Variants in CTNNA3 observed in about 807,000 individuals in gnomAD.
CTNNA3 encodes catenin alpha 3, also known as catenin alpha-3.
Under a neutral mutation model 95.7 loss-of-function variants are expected in CTNNA3, and 76 were observed. The observed-to-expected ratio is 0.79, with a 90% CI of 0.66 to 0.96. The LOEUF (loss-of-function observed/expected upper bound fraction) is 0.96. Ranked by LOEUF, CTNNA3 falls within the 40% of genes least tolerant of loss-of-function variation. The probability of loss-of-function intolerance (pLI) is 0.00; values close to 1 mark genes in which losing one functional copy is unlikely to be tolerated. For synonymous variants in CTNNA3, 431 were observed against 374.4 expected, an observed-to-expected ratio of 1.15 and a Z score of -1.74; for missense variants, 1,191 against 1,089.8, an observed-to-expected ratio of 1.09 and a Z score of -1.31.
intron 1 of CTNNA3, among the ~76,000 whole-genome samples, chr10:67,715,221 G>A (rs1841135685): frequency 6.6e-6 from 1 of 152,194 alleles, no homozygotes; most frequent in Non-Finnish European, 1.5e-5. Flanking sequence ...AGACATTTGA[G>A]TCACACATAG....
chr10:67,002,357 T>C (rs1196020526), intron 7 of CTNNA3, among the ~76,000 whole-genome samples: 6 of 152,158 alleles, frequency 3.9e-5, no homozygotes, highest in African/African-American at 9.7e-5. Flanking sequence ...TCTAGGATCA[T>C]TGTTTACATT....
chr10:67,257,718 C>T (rs1866420341), intron 5 of CTNNA3, among the ~76,000 whole-genome samples: 2 of 151,756 alleles, frequency 1.3e-5, no homozygotes, highest in African/African-American at 2.4e-5. Context: ...GTTTTTTTGA[C>T]AAGTTGGATA....
chr10:67,419,658 T>G (rs191207524), intron 5 of CTNNA3, among the ~76,000 whole-genome samples: 2 of 152,330 alleles, frequency 1.3e-5, no homozygotes, highest in African/African-American at 4.8e-5. Context: ...AGCAAAACAG[T>G]TGGTCTTCAG....
chr10:66,903,112 G>A (rs1047492266), intron 7 of CTNNA3, among the ~76,000 whole-genome samples: 1 of 152,042 alleles, frequency 6.6e-6, no homozygotes, highest in East Asian at 1.9e-4. Context: ...GAAGAACACC[G>A]ATGCAAAAAT....
chr10:67,072,279 A>C (rs1856507643), intron 7 of CTNNA3, among the ~76,000 whole-genome samples: 1 of 152,058 alleles, frequency 6.6e-6, no homozygotes, highest in Non-Finnish European at 1.5e-5. Context: ...TATGTGTCCC[A>C]CTTCTCCAAT....
chr10:67,442,898 A>C lies in CTNNA3; in HGVS notation c.579+78944T>G, dbSNP rs1267762760. Among the ~76,000 whole-genome samples, 5 of 149,826 alleles carry C rather than the reference A, an allele frequency of 3.3e-5. No individual in the cohort carries two copies. In the East Asian group the frequency reaches 1.0e-3, roughly 30 times the overall value. Reference sequence around the variant, plus strand: ...TCATGCTGGTGTGCTGCACCCATTAACTTGTCATTTAGCATTAGGTATATC... The same window carrying C: ...TCATGCTGGTGTGCTGCACCCATTACCTTGTCATTTAGCATTAGGTATATC... On this transcript the variant is annotated intron_variant, in intron 5 of 17. Coordinates refer to ENST00000433211, the MANE Select transcript of CTNNA3 (RefSeq NM_013266.4).
At chr10:67,668,261 ACTC>A (rs1840366439) in intron 1 of CTNNA3, among the ~76,000 whole-genome samples, 1 of 151,932 alleles carries the variant, frequency 6.6e-6, no homozygotes, top group African/African-American at 2.4e-5. Flanking sequence ...TACTTAAAAT[ACTC>A]CTTTTTACTT....
chr10:67,717,147 T>C (rs7097644), intron 1 of CTNNA3, among the ~76,000 whole-genome samples: 18,976 of 152,196 alleles, frequency 0.12, 1,767 homozygotes, highest in African/African-American at 0.27. Flanking sequence ...TCATATCCTT[T>C]GCCCACTTTT....
chr10:67,456,864 G>A (rs1847192595), intron 5 of CTNNA3, among the ~76,000 whole-genome samples: 1 of 152,046 alleles, frequency 6.6e-6, no homozygotes, highest in South Asian at 2.1e-4. Flanking sequence ...TGTAACCAAG[G>A]TGACTACTGC....
At chr10:66,033,135 CT>C (rs10665142) in intron 15 of CTNNA3, among the ~76,000 whole-genome samples, 24 of 131,878 alleles carry the variant, frequency 1.8e-4, no homozygotes, top group African/African-American at 2.3e-4. Flanking sequence ...TTCTTTTTTT[CT>C]TTTTTTTTTT....
At chr10:66,818,476 A>G (rs1693557510) in intron 7 of CTNNA3, among the ~76,000 whole-genome samples, 1 of 152,210 alleles carries the variant, frequency 6.6e-6, no homozygotes, top group Admixed American at 6.5e-5. Context: ...ATACACTTGA[A>G]CAGTCTGAAT....
intron 9 of CTNNA3, among the ~76,000 whole-genome samples, chr10:66,712,606 T>TCACACACACACACACACA (rs879288075): frequency 1.1e-4 from 16 of 149,388 alleles, no homozygotes; most frequent in East Asian, 7.9e-4. Flanking sequence ...TCTCTCTCTC[T>TCACACACACACACACACA]CTCACACACA....
At chr10:67,511,716 A>G (rs1839635415) in intron 5 of CTNNA3, among the ~76,000 whole-genome samples, 2 of 152,124 alleles carry the variant, frequency 1.3e-5, no homozygotes, top group African/African-American at 4.8e-5. Flanking sequence ...TCACAAAATG[A>G]GTTAGGGAGG....
At chr10:66,867,653 G>A (rs974027634) in intron 7 of CTNNA3, among the ~76,000 whole-genome samples, 1 of 152,038 alleles carries the variant, frequency 6.6e-6, no homozygotes, top group Non-Finnish European at 1.5e-5. Flanking sequence ...ATAAAAAATA[G>A]CTCTCACGTC....
chr10:66,533,795 G>A (rs890581874), intron 10 of CTNNA3, among the ~76,000 whole-genome samples: 2 of 152,100 alleles, frequency 1.3e-5, no homozygotes, highest in Non-Finnish European at 2.9e-5. Context: ...ATATGGTCAG[G>A]TATGGAGGTT....
intron 5 of CTNNA3, among the ~76,000 whole-genome samples, chr10:67,305,760 C>A (rs886134356): frequency 1.3e-5 from 2 of 152,068 alleles, no homozygotes; most frequent in Non-Finnish European, 2.9e-5. Context: ...ATTAGGGAAG[C>A]AGACTCAATA....
At chr10:67,622,032 C>A (rs1377504864) in intron 2 of CTNNA3, among the ~76,000 whole-genome samples, 4 of 152,090 alleles carry the variant, frequency 2.6e-5, no homozygotes, top group Non-Finnish European at 5.9e-5. Context: ...GTTTGCCAAC[C>A]ACTGGTCTAG....
chr10:67,411,355 A>G (rs766846895), intron 5 of CTNNA3, among the ~76,000 whole-genome samples: 1 of 152,174 alleles, frequency 6.6e-6, no homozygotes, highest in Non-Finnish European at 1.5e-5. Context: ...TAAAGGCCGA[A>G]TTTACTCAAA....
At chr10:66,055,528 T>C (rs1404285158) in intron 15 of CTNNA3, among the ~76,000 whole-genome samples, 1 of 152,206 alleles carries the variant, frequency 6.6e-6, no homozygotes, top group Non-Finnish European at 1.5e-5. Context: ...TTGCTGTTGT[T>C]ATATAGAAAT....
Sources: gnomAD v4.1 joint callset for allele counts (sites outside exome capture counted in the v4.1 genomes callset) on GRCh38, gnomAD v4.1.1 for gene constraint, MANE v1.5 for transcripts, NCBI Gene and HGNC (gene_info 2026-07-23, HGNC 2026-07-21) for gene names.